The following FAM193A variants were observed in gnomAD, a reference collection of about 807,000 sequenced individuals.
FAM193A encodes family with sequence similarity 193 member A, also known as protein FAM193A.
In FAM193A, 22 loss-of-function variants were observed where a neutral mutation model predicts 126.5. The ratio of observed to expected loss-of-function variants is 0.17; its 90% CI spans 0.12 to 0.25. The LOEUF (loss-of-function observed/expected upper bound fraction) is 0.25, where lower values mean the gene tolerates loss of function less well. Ranked by LOEUF, FAM193A falls within the 10% of genes least tolerant of loss-of-function variation. The probability of loss-of-function intolerance (pLI) is 1.00; values close to 1 mark genes in which losing one functional copy is unlikely to be tolerated. For missense variants in FAM193A, 1,675 were observed against 1,672.8 expected (o/e 1.00, Z -0.02); for synonymous variants, 761 against 646.8 (o/e 1.18, Z -2.68).
intron 7 of FAM193A, among the ~76,000 whole-genome samples, chr4:2,657,247 CCT>C (rs201705638): frequency 0.011 from 1,745 of 152,254 alleles, 19 homozygotes; most frequent in Non-Finnish European, 0.019. Context: ...CCTTTTTCCC[CCT>C]TTTTCAGCCT....
intron 19 of FAM193A, among the ~76,000 whole-genome samples, chr4:2,709,055 A>G (rs1718634346): frequency 6.6e-6 from 1 of 152,066 alleles, no homozygotes; most frequent in Non-Finnish European, 1.5e-5. Context: ...AAAAAAATTT[A>G]ATGTTAAAAA....
At chr4:2,539,708 A>G (rs965402672) in intron 1 of FAM193A, among the ~76,000 whole-genome samples, 1 of 152,138 alleles carries the variant, frequency 6.6e-6, no homozygotes, top group Non-Finnish European at 1.5e-5. Flanking sequence ...CACCTGGCCT[A>G]TCAAGGTTTT....
intron 12 of FAM193A, among the ~76,000 whole-genome samples, chr4:2,668,213 C>CTTT (rs71644347): frequency 5.1e-5 from 7 of 137,586 alleles, no homozygotes; most frequent in Non-Finnish European, 7.9e-5. Context: ...CAATATGCAT[C>CTTT]TTTTTTTTTT....
At chr4:2,704,884 T>A (rs1309511400) in intron 19 of FAM193A, among the ~76,000 whole-genome samples, 1 of 152,196 alleles carries the variant, frequency 6.6e-6, no homozygotes, top group African/African-American at 2.4e-5. Flanking sequence ...CTTACTAGGT[T>A]TTTGGTCTTT....
intron 1 of FAM193A, among the ~76,000 whole-genome samples, chr4:2,555,944 G>C (rs1738229620): frequency 6.9e-6 from 1 of 145,214 alleles, no homozygotes; most frequent in Non-Finnish European, 1.5e-5. Context: ...TGCTTTTGTT[G>C]CCCAGGCTGG....
At chr4:2,698,610 G>A (rs1464936739) in intron 18 of FAM193A, among the ~76,000 whole-genome samples, 1 of 152,080 alleles carries the variant, frequency 6.6e-6, no homozygotes, top group East Asian at 1.9e-4. Flanking sequence ...TTTACACTTG[G>A]GGAGTACTTT....
intron 1 of FAM193A, among the ~76,000 whole-genome samples, chr4:2,540,219 C>T (rs2108800312): frequency 6.6e-6 from 1 of 152,286 alleles, no homozygotes; most frequent in East Asian, 1.9e-4. Flanking sequence ...CCTGTAATCC[C>T]AGCACTGTGG....
chr4:2,568,371 G>T lies in FAM193A; in HGVS notation c.256-27713G>T, dbSNP rs375921530. Among the ~76,000 whole-genome samples the T allele has an allele frequency of 3.2e-4, 49 of 152,270 alleles. 1 individual carries two copies. The South Asian group carries it at 1.0e-2, about 31-fold the overall frequency. ...AAATTGTCTAAAAATGTTAATGTCA[G>T]TGGCTGGACATGGTGGTGCACACCT... On this transcript the variant is annotated intron_variant, in intron 1 of 20. Transcript: ENST00000637812.
At chr4:2,725,797 G>T (rs1480742254) in intron 20 of FAM193A, among the ~76,000 whole-genome samples, 1 of 151,214 alleles carries the variant, frequency 6.6e-6, no homozygotes, top group Non-Finnish European at 1.5e-5. Flanking sequence ...CTGGACCCTT[G>T]ACCTCCCAGG....
intron 1 of FAM193A, among the ~76,000 whole-genome samples, chr4:2,547,658 C>T (rs569603666): frequency 6.7e-6 from 1 of 149,994 alleles, no homozygotes; most frequent in South Asian, 2.1e-4. Context: ...TGGAGTCTCA[C>T]CCTTTCGCCC....
At chr4:2,547,144 T>C (rs938297849) in intron 1 of FAM193A, among the ~76,000 whole-genome samples, 8 of 151,972 alleles carry the variant, frequency 5.3e-5, no homozygotes, top group Non-Finnish European at 7.4e-5. Context: ...TTCCAGCACG[T>C]TGGGAGGCCG....
At chr4:2,700,729 G>T (rs1470475186) in intron 19 of FAM193A, among the ~76,000 whole-genome samples, 185 bp downstream of exon 19, 1 of 152,134 alleles carries the variant, frequency 6.6e-6, no homozygotes, top group Non-Finnish European at 1.5e-5. Flanking sequence ...GTGAGGCCAG[G>T]GTGGGCAGAT....
chr4:2,558,835 T>G (rs771243603), intron 1 of FAM193A, among the ~76,000 whole-genome samples: 3 of 152,182 alleles, frequency 2.0e-5, no homozygotes, highest in Non-Finnish European at 2.9e-5. Flanking sequence ...ACCCCGTCTC[T>G]ACTAAAAATA....
chr4:2,614,260 T>C (rs1742057030), intron 2 of FAM193A, among the ~76,000 whole-genome samples: 1 of 152,234 alleles, frequency 6.6e-6, no homozygotes, highest in Non-Finnish European at 1.5e-5. Context: ...ATTTGGTCTT[T>C]CTTCATGTAG....
chr4:2,638,067 G>C (rs908772371), intron 5 of FAM193A, among the ~76,000 whole-genome samples: 3 of 152,224 alleles, frequency 2.0e-5, no homozygotes, highest in Admixed American at 2.0e-4. Context: ...ACAGGCAGGT[G>C]GAAATGGCTA....
intron 5 of FAM193A, among the ~76,000 whole-genome samples, chr4:2,638,844 T>C (rs539069232): frequency 2.0e-5 from 3 of 152,352 alleles, no homozygotes; most frequent in East Asian, 1.9e-4. Context: ...TTGGCTATAT[T>C]GTAAACAGGA....
In FAM193A at chr4:2,659,607, T is replaced by C; in HGVS notation, c.1439T>C (p.Met480Thr). Residue 480 changes from methionine to threonine, a missense_variant, in exon 9 of 21, where the codon ATG (methionine) becomes ACG (threonine). Met to Thr is a moderately conservative substitution (Grantham distance 81). Transcript: ENST00000637812. ...GGCGAGAACAACTTCACAGACACCATGAGGCACATGTTATCGTCCCGGCTG... is the reference window on the plus strand; with the variant it reads ...GGCGAGAACAACTTCACAGACACCACGAGGCACATGTTATCGTCCCGGCTG... The part of the protein sequence containing the change: ...VTGENNFTDT[M>T]RHMLSSRLSM... 1 of 1,613,920 alleles carries C rather than the reference T, an allele frequency of 6.2e-7. No individual in the cohort carries two copies. The highest frequency in any genetic ancestry group is 8.5e-7 in the Non-Finnish European group (1 of 1,179,826).
chr4:2,680,013 A>T (rs1049829519), intron 13 of FAM193A, among the ~76,000 whole-genome samples: 6 of 152,196 alleles, frequency 3.9e-5, no homozygotes, highest in African/African-American at 1.4e-4. Flanking sequence ...GGCACATGCC[A>T]CCACACCCAG....
At chr4:2,697,842 A>G (rs917430689) in intron 18 of FAM193A, among the ~76,000 whole-genome samples, 5 of 152,212 alleles carry the variant, frequency 3.3e-5, no homozygotes, top group Admixed American at 6.5e-5. Context: ...AGGAGCGTCC[A>G]GCATCGGGGT....
Sources: allele counts gnomAD v4.1 joint callset (sites outside exome capture counted in the v4.1 genomes callset), GRCh38; gene constraint gnomAD v4.1.1; transcripts MANE v1.5; gene names NCBI Gene and HGNC (gene_info 2026-07-23, HGNC 2026-07-21).